Variants in DNAH10 observed in about 807,000 individuals in gnomAD.
The protein encoded by DNAH10 is axonemal beta dynein heavy chain 10.
Under a neutral mutation model 506.6 loss-of-function variants are expected in DNAH10, and 348 were observed. The observed-to-expected ratio is 0.69, with a 90% CI of 0.63 to 0.75. DNAH10 has a LOEUF of 0.75. Among genes scored for constraint, DNAH10 ranks in the 30% least tolerant of loss-of-function variants. DNAH10 has a pLI of 0.00. For missense variants in DNAH10, 5,179 were observed against 5,787.1 expected, an observed-to-expected ratio of 0.89 and a Z score of 3.41; for synonymous variants, 2,059 against 2,198.6, an observed-to-expected ratio of 0.94 and a Z score of 1.78.
chr12:123,792,367 C>T (rs1286495382), intron 11 of DNAH10, among the ~76,000 whole-genome samples: 1 of 152,046 alleles, frequency 6.6e-6, no homozygotes, highest in East Asian at 1.9e-4. Flanking sequence ...TTAAACATAT[C>T]AGTGCCATTA....
At chr12:123,795,966 C>T (rs781275077) in intron 12 of DNAH10, among the ~76,000 whole-genome samples, 5 of 152,064 alleles carry the variant, frequency 3.3e-5, no homozygotes, top group Admixed American at 6.6e-5. Context: ...TATATCAAAA[C>T]GTGCCCTATA....
chr12:123,914,876 C>G lies in DNAH10; in HGVS notation c.10599C>G (p.Pro3533=). The G allele has an allele frequency of 6.2e-7, 1 of 1,613,630 alleles. No homozygotes were observed. The highest frequency in any genetic ancestry group is 8.5e-7 in the Non-Finnish European group (1 of 1,179,828). Residue 3533 remains proline, a synonymous_variant, in exon 62 of 79, where the codon CCC becomes CCG. Transcript: ENST00000673944. ...ISRWGSQGLP[P]DELSVQNGIL... is the part of the protein sequence containing the mutation. ...GATGGGGATCCCAGGGCCTTCCCCCCGATGAGCTCTCCGTTCAGAATGGCA... is the reference window on the plus strand; with the variant it reads ...GATGGGGATCCCAGGGCCTTCCCCCGGATGAGCTCTCCGTTCAGAATGGCA...
intron 28 of DNAH10, among the ~76,000 whole-genome samples, chr12:123,836,421 ATAGT>A (rs1044829444): frequency 1.3e-5 from 2 of 152,168 alleles, no homozygotes; most frequent in Non-Finnish European, 1.5e-5. Flanking sequence ...TGCTTTTTCC[ATAGT>A]TAGAGTGAAT....
chr12:123,792,737 A>G (rs1958128251), intron 11 of DNAH10, among the ~76,000 whole-genome samples: 1 of 152,206 alleles, frequency 6.6e-6, no homozygotes, highest in South Asian at 2.1e-4. Context: ...CTGGGATTAC[A>G]GGCATGAGCC....
In DNAH10 at chr12:123,801,328, T is replaced by C. The variant is rs1958474673; in HGVS notation, c.2510T>C (p.Ile837Thr). ...ATGTTGGATCATTATCACATGCTCA[T>C]AGGAACGTTAAACGATGCGGAGTCT... is the stretch of plus-strand genomic sequence containing the variant. ...QRMLDHYHML[I>T]GTLNDAESVL... Residue 837 changes from isoleucine (I) to threonine (T), a missense_variant, in exon 16 of 79, where the codon ATA becomes ACA. Physicochemically the swap from Ile to Thr is moderately conservative, Grantham distance 89. This residue lies in a region of DNAH10 where 4,844 missense variants were observed against 5,430.5 expected (regional missense o/e 0.89). Coordinates refer to ENST00000673944, the MANE Select transcript of DNAH10 (RefSeq NM_001372106.1). 9 of 1,614,150 alleles carry C rather than the reference T, an allele frequency of 5.6e-6. No individual in the cohort carries two copies. The highest frequency in any genetic ancestry group is 1.1e-5 in the South Asian group (1 of 91,078).
In DNAH10 at chr12:123,801,387, C is replaced by T. The variant is rs201207884; in HGVS notation, c.2569C>T (p.Arg857Ter). Residue 857 changes from arginine to a stop codon, truncating the protein, a stop_gained, in exon 16 of 79, where the codon CGA (arginine) becomes TGA (stop). Coordinates refer to ENST00000673944, the MANE Select transcript of DNAH10 (RefSeq NM_001372106.1). LOFTEE classifies it high-confidence loss of function. ...CAAAGATCATTCCCAGGAACTGCTC[C>T]GAGTGTTTAGGTCGGGATATAAGAG... ...LLKDHSQELL[R>*]VFRSGYKRLN... The T allele has an allele frequency of 2.5e-5, 40 of 1,614,018 alleles. No homozygotes were observed. Among genetic ancestry groups the T allele is most frequent in the Admixed American group, 6.7e-5 (4 of 60,000 alleles).
At chr12:123,893,010 C>T (rs7967166) in intron 52 of DNAH10, among the ~76,000 whole-genome samples, 4 of 152,304 alleles carry the variant, frequency 2.6e-5, no homozygotes, top group South Asian at 2.1e-4. Context: ...TCCTCCCAGG[C>T]GAGCTGGCGG....
intron 30 of DNAH10, among the ~76,000 whole-genome samples, chr12:123,842,091 C>T (rs1158033853): frequency 6.6e-6 from 1 of 152,174 alleles, no homozygotes; most frequent in African/African-American, 2.4e-5. Flanking sequence ...GCACAGGGCC[C>T]CTGGGATTGT....
rs142882825 is a variant in DNAH10, at chr12:123,919,580, C to A, written c.11506+631C>A. On this transcript the variant is annotated intron_variant, in intron 65 of 78. Coordinates refer to ENST00000673944, the MANE Select transcript of DNAH10 (RefSeq NM_001372106.1). This position sits in a 1 kb window ranked among gnomAD's most constrained non-coding sequence, Gnocchi z 4.9. The stretch of plus-strand genomic sequence containing the variant: ...CTGGCTCCGGAACGTTTCCACCAGC[C>A]CCGAAATGAAATCCCATACCCATTA... 1.2e-4 allele frequency among the ~76,000 whole-genome samples: 18 copies of A among 152,276 alleles called. 1 individual carries two copies. The East Asian group carries it at 3.5e-3, about 29-fold the overall frequency.
chr12:123,873,461 A>G (rs12581508), intron 45 of DNAH10, 97 bp from the exon 46 acceptor site: 17,134 of 1,455,728 alleles, frequency 0.012, 350 homozygotes, highest in African/African-American at 0.072. Context: ...TCAGAGGCCA[A>G]TGGATTTGCA....
intron 38 of DNAH10, among the ~76,000 whole-genome samples, chr12:123,859,821 C>T (rs1951547154): frequency 6.6e-6 from 1 of 151,958 alleles, no homozygotes; most frequent in Admixed American, 6.6e-5. Flanking sequence ...ATCCCATAGT[C>T]CAGGATTTTG....
intron 5 of DNAH10, among the ~76,000 whole-genome samples, chr12:123,775,698 G>A (rs370584539): frequency 2.2e-4 from 34 of 152,240 alleles, no homozygotes; most frequent in African/African-American, 8.2e-4. Flanking sequence ...TTAAGCAGGG[G>A]AACAACAGGA....
chr12:123,903,638 C>T lies in DNAH10; in HGVS notation c.9815+525C>T, dbSNP rs555855088. Among the ~76,000 whole-genome samples, 7 of 152,356 alleles carry T rather than the reference C, an allele frequency of 4.6e-5. No individual in the cohort carries two copies. In the South Asian group the frequency reaches 1.4e-3, roughly 32 times the overall value. Reference sequence around the variant, plus strand: ...CTGTAAGATGACCCTGTCCCCCACACCAGAGGGCTCATCTGCTGTCAGCGA... The same window carrying T: ...CTGTAAGATGACCCTGTCCCCCACATCAGAGGGCTCATCTGCTGTCAGCGA... On this transcript the variant is annotated intron_variant, in intron 57 of 78. Coordinates refer to ENST00000673944, the MANE Select transcript of DNAH10 (RefSeq NM_001372106.1). This position sits in a 1 kb window ranked among gnomAD's most constrained non-coding sequence, Gnocchi z 4.6.
chr12:123,898,689 T>C lies in DNAH10; in HGVS notation c.9515T>C (p.Leu3172Pro), dbSNP rs370496090. ...CGTCTGGATGGGGGACTGGACAAGC[T>C]GAAGGAGGCCACCATCCAGCTGGAC... ...CKRLDGGLDK[L>P]KEATIQLDEL... The change falls in exon 56 of 79, where the codon CTG becomes CCG. Residue 3172 changes from leucine to proline, a missense_variant. Leu to Pro is a moderately conservative substitution (Grantham distance 98). Coordinates refer to ENST00000673944, the MANE Select transcript of DNAH10 (RefSeq NM_001372106.1). 6 of 1,598,176 alleles carry C rather than the reference T, an allele frequency of 3.8e-6. No homozygotes were observed. The highest frequency in any genetic ancestry group is 5.1e-6 in the Non-Finnish European group (6 of 1,172,720).
At chr12:123,763,083 G>C (rs116392052) in intron 1 of DNAH10, among the ~76,000 whole-genome samples, 1 of 152,164 alleles carries the variant, frequency 6.6e-6, no homozygotes, top group African/African-American at 2.4e-5. Context: ...ACTTCTGGAG[G>C]CTCCTTATAT....
chr12:123,854,682 G>A (rs1051271091), intron 36 of DNAH10, among the ~76,000 whole-genome samples: 2 of 152,208 alleles, frequency 1.3e-5, no homozygotes, highest in African/African-American at 4.8e-5. Context: ...TACAGAGACT[G>A]CGATGGTTTC....
At chr12:123,809,938 C>G (rs1958865457) in intron 19 of DNAH10, among the ~76,000 whole-genome samples, 1 of 152,192 alleles carries the variant, frequency 6.6e-6, no homozygotes, top group African/African-American at 2.4e-5. Context: ...CTGGAACATT[C>G]TGCTCCCCTG....
chr12:123,887,085 C>T (rs767662985), intron 51 of DNAH10, 57 bp from the exon 52 acceptor site: 30 of 1,525,736 alleles, frequency 2.0e-5, no homozygotes, highest in Admixed American at 1.0e-4. Context: ...CCCCGGAGCC[C>T]GCAGGGAAGG....
chr12:123,845,742 C>A lies in DNAH10; in HGVS notation c.5503C>A (p.Arg1835=), dbSNP rs533314912. 2.0e-5 allele frequency: 33 copies of A among 1,613,704 alleles called. No individual in the cohort carries two copies. The East Asian group carries it at 6.5e-4, about 32-fold the overall frequency. The part of the protein sequence containing the change: ...AMKNYGRKMH[R]QIDELVTRIT... ...GAAGAACTATGGCAGGAAAATGCAC[C>A]GGCAGATCGATGAGTTGGTAACGCG... is the stretch of plus-strand genomic sequence containing the variant. Residue 1835 remains arginine (R), a synonymous_variant, in exon 31 of 79, where the codon CGG becomes AGG. Coordinates refer to ENST00000673944, the MANE Select transcript of DNAH10 (RefSeq NM_001372106.1).
Sources: allele counts gnomAD v4.1 joint callset (sites outside exome capture counted in the v4.1 genomes callset), GRCh38; gene constraint gnomAD v4.1.1; regional missense constraint gnomAD v4.1.1; non-coding constraint Gnocchi (gnomAD v3.1); transcripts MANE v1.5; gene names NCBI Gene and HGNC (gene_info 2026-07-23, HGNC 2026-07-21).